The following ZNF248 variants were observed in gnomAD, a reference collection of about 807,000 sequenced individuals.
The protein encoded by ZNF248 is KRAB protein domain.
In ZNF248, 20 loss-of-function variants were observed where a neutral mutation model predicts 44.3. The observed-to-expected ratio is 0.45, with a 90% CI of 0.32 to 0.66. ZNF248 has a LOEUF of 0.66. Ranked by LOEUF, ZNF248 falls within the 30% of genes least tolerant of loss-of-function variation. The probability of loss-of-function intolerance (pLI) is 0.04; values close to 1 mark genes in which losing one functional copy is unlikely to be tolerated. For synonymous variants in ZNF248, 224 were observed against 229.0 expected, an observed-to-expected ratio of 0.98 and a Z score of 0.20; for missense variants, 654 against 677.0, an observed-to-expected ratio of 0.97 and a Z score of 0.38.
At chr10:37,792,804 A>G (rs956197246) in intron 6 of ZNF248, among the ~76,000 whole-genome samples, 1 of 152,206 alleles carries the variant, frequency 6.6e-6, no homozygotes, top group Non-Finnish European at 1.5e-5. Flanking sequence ...TGAAAAAGAC[A>G]GAAAAACTGA....
chr10:37,784,794 G>A (rs750811027), intron 6 of ZNF248, among the ~76,000 whole-genome samples: 3 of 152,184 alleles, frequency 2.0e-5, no homozygotes, highest in Non-Finnish European at 4.4e-5. Flanking sequence ...TGAGGAGAAA[G>A]AGGCAAGTAC....
chr10:37,780,660 G>C (rs892799558), intron 6 of ZNF248, among the ~76,000 whole-genome samples: 1 of 152,136 alleles, frequency 6.6e-6, no homozygotes. Context: ...AGCAAAGCTC[G>C]CGCCCTTCCA....
intron 6 of ZNF248, among the ~76,000 whole-genome samples, chr10:37,780,544 T>C (rs550161031): frequency 2.9e-4 from 44 of 152,296 alleles, no homozygotes; most frequent in African/African-American, 9.1e-4. Context: ...TAAACGACTC[T>C]TCTTGATAGA....
downstream of ZNF248, among the ~76,000 whole-genome samples, chr10:37,775,067 G>T (rs769290177): frequency 3.3e-5 from 5 of 152,078 alleles, no homozygotes; most frequent in Admixed American, 1.3e-4. Context: ...ACCACACCTG[G>T]CCTCTTTTGT....
At chr10:37,841,648 T>C (rs764768417) in intron 3 of ZNF248, among the ~76,000 whole-genome samples, 14 of 152,098 alleles carry the variant, frequency 9.2e-5, no homozygotes, top group Admixed American at 1.3e-4. Context: ...TTCCAAAGAG[T>C]ACAGTTGAAA....
At chr10:37,854,488 T>A (rs532959232) in intron 3 of ZNF248, among the ~76,000 whole-genome samples, 25 of 152,270 alleles carry the variant, frequency 1.6e-4, no homozygotes, top group African/African-American at 5.8e-4. Flanking sequence ...TCAACCTCAC[T>A]CAGTGAAGAA....
At chr10:37,780,936 A>T (rs1376490524) in intron 6 of ZNF248, among the ~76,000 whole-genome samples, 1 of 152,094 alleles carries the variant, frequency 6.6e-6, no homozygotes, top group Non-Finnish European at 1.5e-5. Context: ...ACTGCAGGAG[A>T]TTGCAAAAGG....
chr10:37,779,035 C>A (rs1467817904), intron 6 of ZNF248, among the ~76,000 whole-genome samples: 3 of 152,080 alleles, frequency 2.0e-5, no homozygotes, highest in Non-Finnish European at 4.4e-5. Context: ...GCTTACCAAG[C>A]AAAAAGAGTC....
chr10:37,767,609 T>G, the ZNF248 span, among the ~76,000 whole-genome samples: 3 of 152,066 alleles, frequency 2.0e-5, no homozygotes, highest in African/African-American at 7.2e-5. Flanking sequence ...TGCCCTAAAA[T>G]AGCTCCTGAA....
At chr10:37,780,591 C>T (rs2047165809) in intron 6 of ZNF248, among the ~76,000 whole-genome samples, 1 of 152,220 alleles carries the variant, frequency 6.6e-6, no homozygotes, top group South Asian at 2.1e-4. Flanking sequence ...GAGGACTCCT[C>T]GTCCCACGCA....
chr10:37,798,562 A>G (rs921515759), intron 6 of ZNF248, among the ~76,000 whole-genome samples: 1 of 152,170 alleles, frequency 6.6e-6, no homozygotes, highest in African/African-American at 2.4e-5. Flanking sequence ...CCTTTGTGTA[A>G]GAAGAGTGTA....
At chr10:37,855,876 C>G (rs1447333729) in intron 3 of ZNF248, among the ~76,000 whole-genome samples, 3 of 152,230 alleles carry the variant, frequency 2.0e-5, no homozygotes, top group Non-Finnish European at 4.4e-5. Flanking sequence ...TTAGGGAAAA[C>G]TGTTTTGAGG....
the ZNF248 span, among the ~76,000 whole-genome samples, chr10:37,760,545 A>G: frequency 1.1e-4 from 16 of 152,214 alleles, no homozygotes; most frequent in African/African-American, 3.4e-4. Context: ...CTTTATTAAA[A>G]GTATTATAGG....
intron 6 of ZNF248, among the ~76,000 whole-genome samples, chr10:37,813,557 T>A (rs186284615): frequency 7.2e-5 from 11 of 152,290 alleles, no homozygotes; most frequent in Admixed American, 2.0e-4. Context: ...TTAATGATGA[T>A]CCACTTCCAC....
intron 3 of ZNF248, among the ~76,000 whole-genome samples, chr10:37,844,047 A>G (rs1311907787): frequency 6.6e-6 from 1 of 152,198 alleles, no homozygotes; most frequent in East Asian, 1.9e-4. Context: ...TAAGAATAAC[A>G]CAAATCTTAC....
Position 37,831,058 on chromosome 10 carries a change from A to G in ZNF248, c.*557T>C. On this transcript the variant is annotated 3_prime_UTR_variant, in exon 6 of 6. Coordinates refer to ENST00000395867, the MANE Select transcript of ZNF248 (RefSeq NM_021045.3). ...TACATATACACACAAACATATGTAC[A>G]TACACATATATAATTATGTCAACCT... The G allele has an allele frequency of 8.1e-7, 1 of 1,228,104 alleles. No homozygotes were observed. The highest frequency in any genetic ancestry group is 1.5e-5 in the African/African-American group (1 of 65,188). The allele number at this position is 1,228,104 out of a possible 1,614,324, so 76.1% of individuals were successfully genotyped here.
intron 3 of ZNF248, among the ~76,000 whole-genome samples, chr10:37,851,050 A>G (rs2060139297): frequency 6.6e-6 from 1 of 152,208 alleles, no homozygotes; most frequent in African/African-American, 2.4e-5. Context: ...TATCTGACAA[A>G]GGATTACTAT....
intron 1 of ZNF248, chr10:37,856,846 G>A: frequency 2.6e-6 from 1 of 385,170 alleles, no homozygotes; most frequent in Non-Finnish European, 3.5e-6. Context: ...CAGTGGCTCG[G>A]GAAACTGCAG....
downstream of ZNF248, among the ~76,000 whole-genome samples, chr10:37,824,503 G>T (rs937919381): frequency 6.6e-6 from 1 of 151,944 alleles, no homozygotes; most frequent in Non-Finnish European, 1.5e-5. Context: ...GGGGTAAGTG[G>T]TTCTCTCTGT....
Sources: allele counts gnomAD v4.1 joint callset (sites outside exome capture counted in the v4.1 genomes callset), GRCh38; gene constraint gnomAD v4.1.1; transcripts MANE v1.5; gene names NCBI Gene and HGNC (gene_info 2026-07-23, HGNC 2026-07-21).